GRB2: variants seen among roughly 807,000 people sequenced by gnomAD.
GRB2 encodes the protein growth factor receptor bound protein 2.
A neutral mutation model predicts 27.4 loss-of-function variants in GRB2; 2 were observed. The observed-to-expected ratio is 0.07, with a 90% CI of 0.03 to 0.23. The LOEUF is 0.23. GRB2 is among the 10% of genes least tolerant of loss of function. The pLI, the probability that GRB2 is intolerant of heterozygous loss-of-function variation, is 1.00. For synonymous variants in GRB2, 94 were observed against 99.6 expected, an observed-to-expected ratio of 0.94 and a Z score of 0.33; for missense variants, 102 against 282.4, an observed-to-expected ratio of 0.36 and a Z score of 4.58.
chr17:75,363,608 C>A (rs1203132991), intron 2 of GRB2, among the ~76,000 whole-genome samples: 1 of 149,262 alleles, frequency 6.7e-6, no homozygotes, highest in East Asian at 2.0e-4. Flanking sequence ...GCCTGTAATC[C>A]CAGCACTTTG....
intron 2 of GRB2, among the ~76,000 whole-genome samples, chr17:75,355,657 C>G (rs1210925985): frequency 6.7e-6 from 1 of 149,668 alleles, no homozygotes; most frequent in Non-Finnish European, 1.5e-5. Flanking sequence ...TAAGAAAGCA[C>G]AAATTTGTGT....
intron 2 of GRB2, among the ~76,000 whole-genome samples, chr17:75,391,807 C>CAAAAAA (rs60382091): frequency 8.2e-6 from 1 of 121,840 alleles, no homozygotes. Flanking sequence ...GACTCCATCT[C>CAAAAAA]AAAAAAAAAA....
intron 2 of GRB2, chr17:75,339,263 G>C (rs1036635079): frequency 5.1e-6 from 3 of 584,966 alleles, no homozygotes; most frequent in East Asian, 6.3e-5. Context: ...GCACGATCTC[G>C]GCTCACTGCA....
At chr17:75,376,761 G>A (rs2078896588) in intron 2 of GRB2, among the ~76,000 whole-genome samples, 1 of 152,064 alleles carries the variant, frequency 6.6e-6, no homozygotes, top group African/African-American at 2.4e-5. Flanking sequence ...CAGCACTTTG[G>A]GAGGCCAAGG....
At chr17:75,333,840 C>T (rs1292502489) in intron 2 of GRB2, among the ~76,000 whole-genome samples, 1 of 152,216 alleles carries the variant, frequency 6.6e-6, no homozygotes, top group South Asian at 2.1e-4. Flanking sequence ...AACTGAACCA[C>T]TGCATTCTAC....
rs1349829988 is a variant in GRB2 at position 75,337,895 on chromosome 17, C to CTAT, written c.79-5099_79-5098insATA. Among the ~76,000 whole-genome samples, 382 of 124,392 alleles carry CTAT rather than the reference C, an allele frequency of 3.1e-3. 1 individual carries two copies. The highest frequency in any genetic ancestry group is 0.011 in the African/African-American group (322 of 30,520). 81.6% of individuals were successfully genotyped at this position (124,392 alleles called of 152,430 possible). The stretch of plus-strand genomic sequence containing the variant: ...ATTACTACTACTACTACTACTACTA[C>CTAT]TACTACTATTATTATTATTATTATT... On this transcript the variant is annotated intron_variant, in intron 2 of 5. Transcript: ENST00000316804.
chr17:75,346,577 CCT>C (rs1491213027), intron 2 of GRB2, among the ~76,000 whole-genome samples: 3 of 95,836 alleles, frequency 3.1e-5, no homozygotes, highest in African/African-American at 1.1e-4. Flanking sequence ...GCTTTTCTTG[CCT>C]TTTTTTTTTT....
intron 2 of GRB2, among the ~76,000 whole-genome samples, chr17:75,339,645 G>C (rs1480273242): frequency 1.1e-4 from 15 of 140,660 alleles, no homozygotes; most frequent in African/African-American, 3.7e-4. Flanking sequence ...TTTTGAGACA[G>C]CTTCAGTTTT....
chr17:75,398,705 C>CTT (rs926272761), intron 1 of GRB2, among the ~76,000 whole-genome samples: 1 of 152,178 alleles, frequency 6.6e-6, no homozygotes, highest in Non-Finnish European at 1.5e-5. Context: ...TCAGCTCAAT[C>CTT]TTTTTGGTGA....
At chr17:75,376,674 A>G (rs1235089770) in intron 2 of GRB2, among the ~76,000 whole-genome samples, 1 of 152,094 alleles carries the variant, frequency 6.6e-6, no homozygotes, top group Non-Finnish European at 1.5e-5. Context: ...GAGGAGGAGT[A>G]CCCTTCCTTC....
At chr17:75,400,157 C>A (rs1039761459) in intron 1 of GRB2, among the ~76,000 whole-genome samples, 12 of 151,892 alleles carry the variant, frequency 7.9e-5, no homozygotes, top group African/African-American at 2.9e-4. Context: ...GCCACCACAC[C>A]TGGCTAATTT....
rs545235447 is a variant in GRB2, at chr17:75,352,206, G to A, written c.79-19409C>T. 1.4e-3 allele frequency among the ~76,000 whole-genome samples: 218 copies of A among 152,260 alleles called. 1 individual carries two copies. Among genetic ancestry groups the A allele is most frequent in the Middle Eastern group, 3.4e-3 (1 of 294 alleles). ...TCAGGTTCACTGGGAGGGCTGGGGG[G>A]CAGGGCAGCCGCAGCACAGCCCCTG... On this transcript the variant is annotated intron_variant, in intron 2 of 5. Coordinates refer to ENST00000316804, the MANE Select transcript of GRB2 (RefSeq NM_002086.5).
intron 1 of GRB2, among the ~76,000 whole-genome samples, chr17:75,404,309 C>CA (rs1325091866): frequency 1.3e-5 from 2 of 152,100 alleles, no homozygotes; most frequent in African/African-American, 4.8e-5. Context: ...TCCCCGTTCT[C>CA]AGAGAGGGGA....
rs1382685048 is a variant in GRB2, at chr17:75,319,559, C to T, written c.*809G>A. On this transcript the variant is annotated 3_prime_UTR_variant, in exon 6 of 6. Coordinates refer to ENST00000316804, the MANE Select transcript of GRB2 (RefSeq NM_002086.5). ...TTCCCAGGTTCAAGCGATTCTCCTG[C>T]CTCAGGCTCCCAAGTAGCTGGGACT... The T allele has an allele frequency of 6.7e-6, 1 of 150,316 alleles. No individual in the cohort carries two copies. Among genetic ancestry groups the T allele is most frequent in the Non-Finnish European group, 1.5e-5 (1 of 67,610 alleles). 9.3% of individuals were successfully genotyped at this position (150,316 alleles called of 1,614,324 possible).
intron 3 of GRB2, 59 bp downstream of exon 3, chr17:75,332,639 AAG>A (rs1491355908): frequency 1.4e-5 from 13 of 919,844 alleles, no homozygotes; most frequent in Non-Finnish European, 2.3e-5. Context: ...CAATTTTAAA[AAG>A]AGTGTTTGAA....
chr17:75,398,896 T>A (rs1348596519), intron 1 of GRB2, among the ~76,000 whole-genome samples: 27 of 147,872 alleles, frequency 1.8e-4, no homozygotes, highest in Admixed American at 1.8e-3. Flanking sequence ...TACAGGTGCC[T>A]GTAACCATGA....
intron 2 of GRB2, chr17:75,371,319 T>C (rs2145855142): frequency 6.6e-6 from 1 of 152,022 alleles, no homozygotes; most frequent in Non-Finnish European, 1.5e-5. Flanking sequence ...CAAGGGTTTC[T>C]ATTTCTGGTC....
rs147008889 is a variant in GRB2, at chr17:75,357,727, C to T, written c.79-24930G>A. The stretch of plus-strand genomic sequence containing the variant: ...CCTGACGTCACAAGTTCGAGACCAG[C>T]GTGGCCAACATGGTGAAACTTTGTC... On this transcript the variant is annotated intron_variant, in intron 2 of 5. Coordinates refer to ENST00000316804, the MANE Select transcript of GRB2 (RefSeq NM_002086.5). 8.7e-4 allele frequency among the ~76,000 whole-genome samples: 133 copies of T among 152,226 alleles called. No homozygotes were observed. The Middle Eastern group carries it at 0.014, about 16-fold the overall frequency.
chr17:75,326,160 A>G (rs999532293), intron 3 of GRB2, 140 bp from the exon 4 acceptor site: 13 of 927,496 alleles, frequency 1.4e-5, no homozygotes, highest in South Asian at 7.3e-5. Flanking sequence ...ACAGTGCCCA[A>G]GATCGACACT....
Sources: gnomAD v4.1 joint callset for allele counts (sites outside exome capture counted in the v4.1 genomes callset) on GRCh38, gnomAD v4.1.1 for gene constraint, MANE v1.5 for transcripts, NCBI Gene and HGNC (gene_info 2026-07-23, HGNC 2026-07-21) for gene names.